PRKCB: variants seen among roughly 807,000 people sequenced by gnomAD.
PRKCB encodes protein kinase C beta type.
Under a neutral mutation model 81.5 loss-of-function variants are expected in PRKCB, and 13 were observed. The observed-to-expected ratio is 0.16, with a 90% confidence interval of 0.10 to 0.25. The LOEUF (loss-of-function observed/expected upper bound fraction) is 0.25, where lower values mean the gene tolerates loss of function less well. Ranked by LOEUF, PRKCB falls within the 10% of genes least tolerant of loss-of-function variation. PRKCB has a pLI of 1.00. For missense variants in PRKCB, 509 were observed against 875.7 expected (o/e 0.58, Z 5.29); for synonymous variants, 335 against 321.4 (o/e 1.04, Z -0.45).
At chr16:24,122,468 T>TTTTTTTTTTTTTTTTTTTTC (rs1555498212) in intron 8 of PRKCB, among the ~76,000 whole-genome samples, 9 of 138,990 alleles carry the variant, frequency 6.5e-5, no homozygotes, top group African/African-American at 3.0e-4. Context: ...TTTTTTTTTT[T>TTTTTTTTTTTTTTTTTTTTC]AGTGAGAGAG....
chr16:24,172,221 C>T (rs1210556987), intron 10 of PRKCB, 49 bp from the exon 11 acceptor site: 1 of 1,394,956 alleles, frequency 7.2e-7, no homozygotes, highest in East Asian at 2.3e-5. Flanking sequence ...CCATTTGGAG[C>T]CCCAGAAGCT....
At chr16:23,937,803 A>G (rs1406668255) in intron 2 of PRKCB, among the ~76,000 whole-genome samples, 3 of 152,198 alleles carry the variant, frequency 2.0e-5, no homozygotes, top group African/African-American at 7.2e-5. Context: ...TAATTTTCCT[A>G]CATTCATTCA....
intron 2 of PRKCB, among the ~76,000 whole-genome samples, chr16:23,946,456 G>C (rs1400310156): frequency 6.6e-6 from 1 of 152,194 alleles, no homozygotes; most frequent in African/African-American, 2.4e-5. Context: ...TAGCGGTAAA[G>C]GGTAAGTTAT....
At chr16:24,035,386 C>T (rs370009386) in intron 4 of PRKCB, 33 bp from the exon 5 acceptor site, 5 of 1,608,454 alleles carry the variant, frequency 3.1e-6, no homozygotes, top group Non-Finnish European at 4.2e-6. Flanking sequence ...CCTGGGCCAG[C>T]CTAAGCCACA....
intron 5 of PRKCB, among the ~76,000 whole-genome samples, chr16:24,091,306 A>G (rs763079112): frequency 1.3e-5 from 2 of 152,186 alleles, no homozygotes; most frequent in African/African-American, 4.8e-5. Context: ...CTAAGATTGA[A>G]CCATCTTTGC....
intron 5 of PRKCB, among the ~76,000 whole-genome samples, chr16:24,083,429 T>G (rs1966274183): frequency 6.6e-6 from 1 of 152,204 alleles, no homozygotes; most frequent in Non-Finnish European, 1.5e-5. Flanking sequence ...TGAAGACCAC[T>G]GAAATATTCT....
intron 2 of PRKCB, among the ~76,000 whole-genome samples, chr16:23,985,569 C>T (rs1964793347): frequency 6.6e-6 from 1 of 152,166 alleles, no homozygotes; most frequent in South Asian, 2.1e-4. Flanking sequence ...GATGGAAAGA[C>T]TCATTGTTGT....
intron 2 of PRKCB, among the ~76,000 whole-genome samples, chr16:23,937,831 A>G (rs184195360): frequency 6.6e-6 from 1 of 152,316 alleles, no homozygotes; most frequent in African/African-American, 2.4e-5. Context: ...CAGCAAGGGA[A>G]GGGGAGGCAG....
chr16:24,073,756 G>A (rs1966144432), intron 5 of PRKCB, among the ~76,000 whole-genome samples: 1 of 152,202 alleles, frequency 6.6e-6, no homozygotes, highest in African/African-American at 2.4e-5. Flanking sequence ...TTCCTTCTGA[G>A]ATGGAAAGAT....
intron 5 of PRKCB, among the ~76,000 whole-genome samples, chr16:24,061,320 C>T (rs1473612044): frequency 6.6e-6 from 1 of 152,190 alleles, no homozygotes; most frequent in Non-Finnish European, 1.5e-5. Flanking sequence ...TTTGGCCCCG[C>T]AAAGTGCTGG....
At chr16:23,938,256 A>G (rs1446137229) in intron 2 of PRKCB, among the ~76,000 whole-genome samples, 2 of 152,252 alleles carry the variant, frequency 1.3e-5, no homozygotes, top group Non-Finnish European at 2.9e-5. Context: ...TATCATCTAC[A>G]TATTTGATTC....
At chr16:24,130,322 G>A (rs982264992) in intron 9 of PRKCB, among the ~76,000 whole-genome samples, 9 of 152,142 alleles carry the variant, frequency 5.9e-5, no homozygotes, top group Admixed American at 3.9e-4. Context: ...GGGCACCTGC[G>A]GGAGTGGGAT....
intron 2 of PRKCB, among the ~76,000 whole-genome samples, chr16:23,884,152 G>A (rs1005640911): frequency 6.6e-6 from 1 of 152,204 alleles, no homozygotes; most frequent in African/African-American, 2.4e-5. Context: ...CACAGTTATA[G>A]ATGAGGAAAG....
At chr16:23,990,230 G>A (rs976015944) in intron 3 of PRKCB, among the ~76,000 whole-genome samples, 4 of 151,864 alleles carry the variant, frequency 2.6e-5, no homozygotes, top group African/African-American at 4.8e-5. Flanking sequence ...AGGCTGAGGC[G>A]GGCAGATCAC....
chr16:23,876,458 A>G (rs1317336738), intron 2 of PRKCB, among the ~76,000 whole-genome samples: 1 of 152,178 alleles, frequency 6.6e-6, no homozygotes, highest in Non-Finnish European at 1.5e-5. Context: ...CGTCCACCAG[A>G]TTAGCAACTG....
chr16:24,113,213 CCTT>C (rs1966696642), intron 8 of PRKCB, 144 bp downstream of exon 8: 1 of 545,738 alleles, frequency 1.8e-6, no homozygotes, highest in Admixed American at 4.0e-5. Flanking sequence ...TCTTTTCTTT[CCTT>C]CTTTCTCCTT....
intron 2 of PRKCB, among the ~76,000 whole-genome samples, chr16:23,987,655 C>G (rs559442947): frequency 6.6e-6 from 1 of 152,246 alleles, no homozygotes; most frequent in East Asian, 1.9e-4. Flanking sequence ...TTGAGGTTTC[C>G]TGTTCTATTT....
At chr16:24,154,458 G>A (rs188960007) in intron 9 of PRKCB, among the ~76,000 whole-genome samples, 1 of 152,314 alleles carries the variant, frequency 6.6e-6, no homozygotes, top group Non-Finnish European at 1.5e-5. Context: ...CCTCTAGGCT[G>A]CAGTGAGTCA....
intron 5 of PRKCB, among the ~76,000 whole-genome samples, chr16:24,067,044 T>A (rs948493446): frequency 1.3e-5 from 2 of 151,596 alleles, no homozygotes; most frequent in African/African-American, 2.4e-5. Flanking sequence ...AGAGATGAGG[T>A]CTCGCTGTGT....
Sources: allele counts gnomAD v4.1 joint callset (sites outside exome capture counted in the v4.1 genomes callset), GRCh38; gene constraint gnomAD v4.1.1; transcripts MANE v1.5; gene names NCBI Gene and HGNC (gene_info 2026-07-23, HGNC 2026-07-21).